PLCG2: variants seen among roughly 807,000 people sequenced by gnomAD.
The protein encoded by PLCG2 is 1-phosphatidylinositol 4,5-bisphosphate phosphodiesterase gamma-2.
Under a neutral mutation model 175.6 loss-of-function variants are expected in PLCG2, and 69 were observed. The observed-to-expected ratio is 0.39, with a 90% CI of 0.32 to 0.48. The LOEUF (loss-of-function observed/expected upper bound fraction) is 0.48. PLCG2 is among the 20% of genes least tolerant of loss of function. The pLI, the probability that PLCG2 is intolerant of heterozygous loss-of-function variation, is 0.91. For synonymous variants in PLCG2, 827 were observed against 624.0 expected, an observed-to-expected ratio of 1.33 and a Z score of -4.85; for missense variants, 1,798 against 1,650.9, an observed-to-expected ratio of 1.09 and a Z score of -1.54.
intron 7 of PLCG2, among the ~76,000 whole-genome samples, chr16:81,873,913 A>G (rs1907641787): frequency 6.6e-6 from 1 of 152,188 alleles, no homozygotes; most frequent in Non-Finnish European, 1.5e-5. Flanking sequence ...TATGGCTCTT[A>G]TTAAGGCTAG....
At chr16:81,893,283 T>C (rs1908724572) in intron 11 of PLCG2, among the ~76,000 whole-genome samples, 2 of 152,228 alleles carry the variant, frequency 1.3e-5, no homozygotes, top group Admixed American at 1.3e-4. Flanking sequence ...CCAACAGTTG[T>C]TGAATATCTG....
Position 81,938,798 on chromosome 16 carries a change from C to G in PLCG2, c.3199-3C>G. 6.3e-7 allele frequency: 1 copy of G among 1,595,300 alleles called. No homozygotes were observed. The highest frequency in any genetic ancestry group is 8.6e-7 in the Non-Finnish European group (1 of 1,165,458). On this transcript the variant is annotated splice_polypyrimidine_tract_variant and splice_region_variant and intron_variant, in intron 28 of 32. Coordinates refer to ENST00000564138, the MANE Select transcript of PLCG2 (RefSeq NM_002661.5). ...GTTCCAATGCTTCCCTTTGGTGTCC[C>G]AGGTTCTCGGTGCTCGCCATCTCCC...
chr16:81,773,026 C>A (rs553893213), intron 2 of PLCG2, among the ~76,000 whole-genome samples: 93 of 152,310 alleles, frequency 6.1e-4, no homozygotes, highest in Non-Finnish European at 2.9e-4. Context: ...TGGGCATCCT[C>A]TCATGATGTG....
In PLCG2 at chr16:81,805,231, A is replaced by G. The variant is rs190130431; in HGVS notation, c.193+19049A>G. ...TCAACAATAAAAGGCCAGGCTCGGTAGCTCATGCCTGTAATCCCAGCACTT... is the reference window on the plus strand; with the variant it reads ...TCAACAATAAAAGGCCAGGCTCGGTGGCTCATGCCTGTAATCCCAGCACTT... On this transcript the variant is annotated intron_variant, in intron 2 of 32. Transcript: ENST00000564138. Among the ~76,000 whole-genome samples, 154 of 152,242 alleles carry G rather than the reference A, an allele frequency of 1.0e-3. 1 individual carries two copies. Among genetic ancestry groups the G allele is most frequent in the Middle Eastern group, 6.8e-3 (2 of 292 alleles).
chr16:81,915,011 C>A (rs1367639572), intron 19 of PLCG2, among the ~76,000 whole-genome samples: 1 of 152,188 alleles, frequency 6.6e-6, no homozygotes, highest in Non-Finnish European at 1.5e-5. Flanking sequence ...AACATCCCTG[C>A]CCCAGGACAC....
chr16:81,952,241 T>C (rs1034680157), intron 31 of PLCG2, among the ~76,000 whole-genome samples: 3 of 152,132 alleles, frequency 2.0e-5, no homozygotes, highest in Non-Finnish European at 4.4e-5. Context: ...GGTATCAATA[T>C]AAACTCAAGT....
intron 2 of PLCG2, among the ~76,000 whole-genome samples, chr16:81,769,377 C>T (rs898599502): frequency 6.6e-6 from 1 of 152,138 alleles, no homozygotes; most frequent in Non-Finnish European, 1.5e-5. Context: ...TAGCGGCGGG[C>T]GGCAGTTAAA....
intron 2 of PLCG2, among the ~76,000 whole-genome samples, chr16:81,793,037 G>A (rs543545279): frequency 4.6e-5 from 7 of 152,084 alleles, no homozygotes; most frequent in African/African-American, 1.2e-4. Context: ...TTGCATAATC[G>A]AAACTTAATA....
intron 2 of PLCG2, among the ~76,000 whole-genome samples, chr16:81,803,705 A>G (rs1401991276): frequency 8.2e-6 from 1 of 122,282 alleles, no homozygotes; most frequent in African/African-American, 3.2e-5. Context: ...TTTACTCTCT[A>G]CAGTCTCACT....
intron 13 of PLCG2, among the ~76,000 whole-genome samples, chr16:81,900,329 G>A (rs1350027981): frequency 6.6e-6 from 1 of 152,172 alleles, no homozygotes; most frequent in Non-Finnish European, 1.5e-5. Flanking sequence ...ACTTTTTTCT[G>A]TAAGTTTAAA....
Position 81,744,065 on chromosome 16 carries a change from G to A in PLCG2, c.-145+4680G>A, listed in dbSNP as rs1909653510. On this transcript the variant is annotated intron_variant, in intron 1 of 5. Coordinates refer to the PLCG2 transcript ENST00000565054. ...AGTAAAGACAGGGTTTCACTGTGTTGGCCAGGATGGTCTCAAACTCCTGAC... is the reference window on the plus strand; with the variant it reads ...AGTAAAGACAGGGTTTCACTGTGTTAGCCAGGATGGTCTCAAACTCCTGAC... Among the ~76,000 whole-genome samples the A allele has an allele frequency of 2.0e-5, 3 of 151,666 alleles. No individual in the cohort carries two copies. The South Asian group carries it at 6.2e-4, about 31-fold the overall frequency.
intron 13 of PLCG2, 62 bp downstream of exon 13, chr16:81,895,989 C>A: frequency 6.3e-7 from 1 of 1,593,036 alleles, no homozygotes; most frequent in Non-Finnish European, 8.6e-7. Flanking sequence ...GTTGGATAGA[C>A]AGATGGACAG....
In PLCG2 at chr16:81,960,242, A is replaced by G. The variant is rs2143789472; in HGVS notation, c.*2244A>G. 1 of 220,770 alleles carries G rather than the reference A, an allele frequency of 4.5e-6. No homozygotes were observed. The highest frequency in any genetic ancestry group is 6.6e-5 in the East Asian group (1 of 15,086). 13.7% of individuals were successfully genotyped at this position (220,770 alleles called of 1,614,324 possible). On this transcript the variant is annotated 3_prime_UTR_variant, in exon 33 of 33. Coordinates refer to ENST00000564138, the MANE Select transcript of PLCG2 (RefSeq NM_002661.5). ...GGACTGATTCTCTCAGGAAAGGCAC[A>G]CATGGTATGATGGCTCTTCCCAGAG...
At chr16:81,867,520 C>T (rs894769394) in intron 5 of PLCG2, among the ~76,000 whole-genome samples, 2 of 152,196 alleles carry the variant, frequency 1.3e-5, no homozygotes, top group Admixed American at 1.3e-4. Context: ...TGGAGATGAT[C>T]ATGGTACCTG....
At chr16:81,743,451 G>C (rs981118219) in intron 1 of PLCG2, among the ~76,000 whole-genome samples, 2 of 152,242 alleles carry the variant, frequency 1.3e-5, no homozygotes, top group African/African-American at 2.4e-5. Context: ...AAAGAGCCCA[G>C]GTAGAGCGAC....
chr16:81,857,882 C>A, intron 3 of PLCG2: 1 of 191,956 alleles, frequency 5.2e-6, no homozygotes, highest in Non-Finnish European at 1.1e-5. Flanking sequence ...AATAGTACTT[C>A]CCTTGTGGGA....
At chr16:81,778,055 C>CAAACA (rs1910516699), upstream of PLCG2, among the ~76,000 whole-genome samples, 5 of 56,760 alleles carry the variant, frequency 8.8e-5, no homozygotes, top group South Asian at 1.4e-3. Context: ...AAAAAAAAAA[C>CAAACA]AAAAAAAACC....
chr16:81,757,258 C>G (rs1909947953), intron 2 of PLCG2, among the ~76,000 whole-genome samples: 1 of 152,070 alleles, frequency 6.6e-6, no homozygotes, highest in African/African-American at 2.4e-5. Flanking sequence ...CACCCATTTT[C>G]TGGGCTCCAA....
At chr16:81,934,571 A>G (rs1910631222) in intron 26 of PLCG2, 40 bp downstream of exon 26, 1 of 1,180,070 alleles carries the variant, frequency 8.5e-7, no homozygotes, top group Non-Finnish European at 1.3e-6. Context: ...AACTCCAATG[A>G]AAACTTAACT....
Sources: allele counts gnomAD v4.1 joint callset (sites outside exome capture counted in the v4.1 genomes callset), GRCh38; gene constraint gnomAD v4.1.1; transcripts MANE v1.5; gene names NCBI Gene and HGNC (gene_info 2026-07-23, HGNC 2026-07-21).